MAPKAP1: variants seen among roughly 807,000 people sequenced by gnomAD.
MAPKAP1 encodes MAPK associated protein 1.
MAPKAP1 carries 20 observed loss-of-function variants against 65.7 expected under a neutral mutation model. That is an observed-to-expected ratio of 0.30 (90% CI 0.21 to 0.44). The LOEUF is 0.44. Ranked by LOEUF, MAPKAP1 falls within the 20% of genes least tolerant of loss-of-function variation. The pLI, the probability that MAPKAP1 is intolerant of heterozygous loss-of-function variation, is 1.00. For missense variants in MAPKAP1, 423 were observed against 648.0 expected, an observed-to-expected ratio of 0.65 and a Z score of 3.77; for synonymous variants, 222 against 244.3, an observed-to-expected ratio of 0.91 and a Z score of 0.85.
At chr9:125,579,968 C>T (rs1245316550) in intron 5 of MAPKAP1, among the ~76,000 whole-genome samples, 1 of 152,078 alleles carries the variant, frequency 6.6e-6, no homozygotes, top group African/African-American at 2.4e-5. Context: ...AATTGTAGTC[C>T]AATATCAACA....
At chr9:125,487,392 T>G (rs944405865) in intron 8 of MAPKAP1, among the ~76,000 whole-genome samples, 1 of 152,238 alleles carries the variant, frequency 6.6e-6, no homozygotes, top group African/African-American at 2.4e-5. Flanking sequence ...ATTTTAGAAC[T>G]TCTTATACAT....
At chr9:125,533,922 C>T (rs1830003637) in intron 7 of MAPKAP1, among the ~76,000 whole-genome samples, 1 of 152,118 alleles carries the variant, frequency 6.6e-6, no homozygotes, top group South Asian at 2.1e-4. Flanking sequence ...TCTAAACATC[C>T]TTCAATAGAG....
At chr9:125,650,727 A>C (rs556044534) in intron 4 of MAPKAP1, among the ~76,000 whole-genome samples, 123 of 152,324 alleles carry the variant, frequency 8.1e-4, no homozygotes, top group Admixed American at 1.4e-3. Flanking sequence ...CTAGACAGAG[A>C]GCTCAGGGTG....
chr9:125,527,736 A>C (rs1829813967), intron 7 of MAPKAP1, among the ~76,000 whole-genome samples: 1 of 152,182 alleles, frequency 6.6e-6, no homozygotes, highest in Non-Finnish European at 1.5e-5. Context: ...TTACGTGACT[A>C]TCAATGTTTA....
chr9:125,468,693 A>C (rs1191332911), intron 9 of MAPKAP1, among the ~76,000 whole-genome samples: 2 of 152,252 alleles, frequency 1.3e-5, no homozygotes, highest in African/African-American at 4.8e-5. Context: ...CGAGAGGATT[A>C]AACCTTACAT....
intron 6 of MAPKAP1, among the ~76,000 whole-genome samples, chr9:125,553,088 G>C (rs181928125): frequency 0.014 from 2,176 of 152,072 alleles, 16 homozygotes; most frequent in South Asian, 0.04. Flanking sequence ...GTGTGTGGGG[G>C]GGTGTATGAG....
chr9:125,490,076 G>A (rs1205651582), intron 8 of MAPKAP1, among the ~76,000 whole-genome samples: 1 of 152,164 alleles, frequency 6.6e-6, no homozygotes, highest in Non-Finnish European at 1.5e-5. Context: ...TCGAATAACT[G>A]TAAATTCTAA....
chr9:125,621,989 G>A (rs1452933205), intron 4 of MAPKAP1, among the ~76,000 whole-genome samples: 1 of 152,166 alleles, frequency 6.6e-6, no homozygotes, highest in South Asian at 2.1e-4. Flanking sequence ...CTGGCAACAT[G>A]GATGAGTCTG....
At chr9:125,577,523 G>A (rs1192547435) in intron 5 of MAPKAP1, among the ~76,000 whole-genome samples, 4 of 145,028 alleles carry the variant, frequency 2.8e-5, no homozygotes, top group Non-Finnish European at 6.1e-5. Flanking sequence ...GAAGTGAGGA[G>A]CCCCTCTGCC....
intron 4 of MAPKAP1, among the ~76,000 whole-genome samples, chr9:125,639,862 T>G (rs141053502): frequency 1.3e-5 from 2 of 152,158 alleles, no homozygotes; most frequent in African/African-American, 2.4e-5. Flanking sequence ...TGGAAGGTTA[T>G]GATGAGGAGG....
At chr9:125,497,562 A>G (rs1321584512) in intron 8 of MAPKAP1, among the ~76,000 whole-genome samples, 1 of 152,258 alleles carries the variant, frequency 6.6e-6, no homozygotes, top group Non-Finnish European at 1.5e-5. Context: ...TTATAATAAG[A>G]GCACTTATAT....
At chr9:125,589,789 T>A (rs1341014395) in intron 4 of MAPKAP1, among the ~76,000 whole-genome samples, 2 of 144,494 alleles carry the variant, frequency 1.4e-5, no homozygotes, top group African/African-American at 2.9e-5. Flanking sequence ...ACCAAAAAAA[T>A]AATTCTCCTA....
intron 4 of MAPKAP1, among the ~76,000 whole-genome samples, chr9:125,620,104 T>C (rs1832853214): frequency 6.6e-6 from 1 of 151,848 alleles, no homozygotes; most frequent in Non-Finnish European, 1.5e-5. Flanking sequence ...AGGTCAGGAG[T>C]TGGAGACCAG....
intron 6 of MAPKAP1, among the ~76,000 whole-genome samples, chr9:125,556,415 TG>T (rs1215541265): frequency 6.6e-6 from 1 of 152,234 alleles, no homozygotes; most frequent in African/African-American, 2.4e-5. Flanking sequence ...GGAAAGGGCA[TG>T]GACTTTAAAG....
At chr9:125,673,872 T>C (rs753677797) in intron 1 of MAPKAP1, among the ~76,000 whole-genome samples, 13 of 152,090 alleles carry the variant, frequency 8.5e-5, no homozygotes, top group Non-Finnish European at 1.8e-4. Context: ...AGCCCCAGCA[T>C]TCAAGGCTGC....
intron 10 of MAPKAP1, among the ~76,000 whole-genome samples, chr9:125,449,363 G>C (rs1335062455): frequency 6.6e-6 from 1 of 152,092 alleles, no homozygotes; most frequent in African/African-American, 2.4e-5. Flanking sequence ...AACTATGATG[G>C]AACTGGTATT....
At position 125,681,797 on chromosome 9, in the gene MAPKAP1, G is replaced by A. The variant is rs115465584; in HGVS notation, c.-69-9154C>T. Among the ~76,000 whole-genome samples, 117 of 152,226 alleles carry A rather than the reference G, an allele frequency of 7.7e-4. 1 individual carries two copies. The highest frequency in any genetic ancestry group is 2.6e-3 in the African/African-American group (110 of 41,536). On this transcript the variant is annotated intron_variant, in intron 1 of 11. Coordinates refer to ENST00000265960, the MANE Select transcript of MAPKAP1 (RefSeq NM_001006617.3). ...ATGTATGTTTGTTTACAGAGATAGC[G>A]TCTCGCTCTGTCACCCAGGCTGGAG...
chr9:125,560,915 G>A (rs1331528139), intron 5 of MAPKAP1, among the ~76,000 whole-genome samples: 1 of 152,238 alleles, frequency 6.6e-6, no homozygotes, highest in African/African-American at 2.4e-5. Flanking sequence ...TCTGTTCAAA[G>A]AGGATGGGAA....
intron 10 of MAPKAP1, among the ~76,000 whole-genome samples, chr9:125,467,011 C>T (rs905024747): frequency 2.6e-5 from 4 of 152,216 alleles, no homozygotes; most frequent in African/African-American, 4.8e-5. Context: ...TTCCTTATAA[C>T]ATCTGTTCTC....
Sources: allele counts gnomAD v4.1 joint callset (sites outside exome capture counted in the v4.1 genomes callset), GRCh38; gene constraint gnomAD v4.1.1; transcripts MANE v1.5; gene names NCBI Gene and HGNC (gene_info 2026-07-23, HGNC 2026-07-21).